KCND3: variants seen among roughly 807,000 people sequenced by gnomAD.
KCND3 encodes A-type voltage-gated potassium channel KCND3.
In KCND3, 9 loss-of-function variants were observed where a neutral mutation model predicts 51.1. The ratio of observed to expected loss-of-function variants is 0.18; its 90% confidence interval spans 0.11 to 0.31. KCND3 has a LOEUF of 0.31. Among genes scored for constraint, KCND3 ranks in the 10% least tolerant of loss-of-function variants. KCND3 has a pLI of 1.00. For synonymous variants in KCND3, 349 were observed against 368.0 expected (o/e 0.95, Z 0.59); for missense variants, 526 against 903.8 (o/e 0.58, Z 5.36).
intron 2 of KCND3, among the ~76,000 whole-genome samples, chr1:111,974,803 C>G (rs532625971): frequency 6.6e-6 from 1 of 152,272 alleles, no homozygotes; most frequent in African/African-American, 2.4e-5. Flanking sequence ...CAGAGAGATA[C>G]AGAGAGAGAT....
rs1674474981 is a variant in KCND3 at position 111,973,810 on chromosome 1, T to C, written c.1106+7811A>G. ...TCTGTATATTAAATTCAAGCTGTTCTGCCACTCATGGGTATTATGATGCGT... is the reference window on the plus strand; with the variant it reads ...TCTGTATATTAAATTCAAGCTGTTCCGCCACTCATGGGTATTATGATGCGT... On this transcript the variant is annotated intron_variant, in intron 2 of 7. Transcript: ENST00000302127. Among the ~76,000 whole-genome samples, 2 of 152,238 alleles carry C rather than the reference T, an allele frequency of 1.3e-5. 1 individual carries two copies. The highest frequency in any genetic ancestry group is 2.9e-5 in the Non-Finnish European group (2 of 68,042).
At chr1:111,842,291 C>T (rs553745632) in intron 2 of KCND3, among the ~76,000 whole-genome samples, 12 of 152,346 alleles carry the variant, frequency 7.9e-5, no homozygotes, top group South Asian at 2.1e-4. Context: ...CCACCCTGAG[C>T]GGGCCATGCT....
Position 111,780,690 on chromosome 1 carries a change from C to A in KCND3, c.1371G>T (p.Thr457=). The A allele has an allele frequency of 6.2e-7, 1 of 1,607,398 alleles. No individual in the cohort carries two copies. Among genetic ancestry groups the A allele is most frequent in the Non-Finnish European group, 8.5e-7 (1 of 1,176,770 alleles). Residue 457 remains threonine (T), a splice_region_variant and synonymous_variant, in exon 4 of 8, where the codon ACG becomes ACT. Coordinates refer to ENST00000302127, the MANE Select transcript of KCND3 (RefSeq NM_001378969.1). This position sits in a 1 kb window ranked among gnomAD's most constrained non-coding sequence, Gnocchi z 4.2. The part of the protein sequence containing the change: ...NGLLNEALEL[T]GTPEEEHMGK... Reference sequence around the variant, plus strand: ...TAGCCCAGGTCCTCTAGGCACCTACCGTCAGCTCCAGCGCCTCGTTGAGGA... The same window carrying A: ...TAGCCCAGGTCCTCTAGGCACCTACAGTCAGCTCCAGCGCCTCGTTGAGGA...
intron 2 of KCND3, among the ~76,000 whole-genome samples, chr1:111,811,430 T>C (rs1000679091): frequency 6.6e-6 from 1 of 152,110 alleles, no homozygotes; most frequent in African/African-American, 2.4e-5. Flanking sequence ...ACTCAGGAAA[T>C]CCTGACAATG....
At chr1:111,937,388 C>A (rs2995811) in intron 2 of KCND3, among the ~76,000 whole-genome samples, 1 of 151,884 alleles carries the variant, frequency 6.6e-6, no homozygotes, top group Admixed American at 6.6e-5. Flanking sequence ...CAGCCCCAGG[C>A]GCTTTTCCAT....
intron 2 of KCND3, among the ~76,000 whole-genome samples, chr1:111,915,752 C>CAACA (rs1671179635): frequency 1.5e-5 from 1 of 67,322 alleles, no homozygotes; most frequent in Admixed American, 1.9e-4. Flanking sequence ...GACTCTGTCT[C>CAACA]AAAAAAAAAA....
chr1:111,773,123 T>C lies in KCND3; in HGVS notation c.*2954A>G, dbSNP rs1663982827. ...CAGTGGAGGATGGAGGAAAAGGGGA[T>C]GGTCTAATGGTCTTTTAGGAAGTGG... On this transcript the variant is annotated 3_prime_UTR_variant, in exon 8 of 8. Coordinates refer to ENST00000302127, the MANE Select transcript of KCND3 (RefSeq NM_001378969.1). The C allele has an allele frequency of 2.0e-5, 3 of 152,198 alleles. No homozygotes were observed. The highest frequency in any genetic ancestry group is 2.0e-4 in the Admixed American group (3 of 15,264). The allele number at this position is 152,198 out of a possible 1,614,324, so 9.4% of individuals were successfully genotyped here.
intron 2 of KCND3, among the ~76,000 whole-genome samples, chr1:111,875,751 G>C (rs1006909267): frequency 6.6e-6 from 1 of 152,178 alleles, no homozygotes; most frequent in Non-Finnish European, 1.5e-5. Context: ...CCCTGGACTC[G>C]GGGCCTCCAG....
At position 111,785,069 on chromosome 1, in the gene KCND3, A is replaced by G. The variant is rs1486792595; in HGVS notation, c.1269+1875T>C. On this transcript the variant is annotated intron_variant, in intron 3 of 7. Coordinates refer to ENST00000302127, the MANE Select transcript of KCND3 (RefSeq NM_001378969.1). ...ATCTCTAAAATAATAATAATAATAAATCAATTCCCAGGTGAAGTAAAGGTA... is the reference window on the plus strand; with the variant it reads ...ATCTCTAAAATAATAATAATAATAAGTCAATTCCCAGGTGAAGTAAAGGTA... Among the ~76,000 whole-genome samples, 4 of 152,162 alleles carry G rather than the reference A, an allele frequency of 2.6e-5. No homozygotes were observed. The East Asian group carries it at 7.7e-4, about 29-fold the overall frequency.
At chr1:111,885,807 G>C (rs575024946) in intron 2 of KCND3, among the ~76,000 whole-genome samples, 1 of 152,188 alleles carries the variant, frequency 6.6e-6, no homozygotes, top group South Asian at 2.1e-4. Flanking sequence ...TGAGTAGCTG[G>C]GATTACAGGC....
intron 2 of KCND3, among the ~76,000 whole-genome samples, chr1:111,863,032 C>A (rs1467064171): frequency 1.3e-5 from 2 of 152,126 alleles, no homozygotes; most frequent in Non-Finnish European, 2.9e-5. Context: ...AGAAAGCGGA[C>A]TAATGATAGC....
At chr1:111,978,452 T>C (rs1268542314) in intron 2 of KCND3, among the ~76,000 whole-genome samples, 1 of 152,236 alleles carries the variant, frequency 6.6e-6, no homozygotes, top group Non-Finnish European at 1.5e-5. Context: ...CCATGGCCAC[T>C]TGGACTCAAA....
At chr1:111,814,260 G>C (rs1665984040) in intron 2 of KCND3, among the ~76,000 whole-genome samples, 1 of 152,212 alleles carries the variant, frequency 6.6e-6, no homozygotes, top group African/African-American at 2.4e-5. Flanking sequence ...GCTCGTGGAG[G>C]AGCCCAACAA....
chr1:111,932,817 G>GCA (rs1401227405), intron 2 of KCND3, among the ~76,000 whole-genome samples: 2 of 152,192 alleles, frequency 1.3e-5, no homozygotes, highest in Non-Finnish European at 2.9e-5. Context: ...AGGTGGCCTG[G>GCA]AGATTTAAAA....
rs372362132 is a variant in KCND3 at position 111,776,166 on chromosome 1, C to T, written c.1879G>A (p.Gly627Arg). ...IPTPPALTPE[G>R]ESRPPPASPG... ...CTGGCAGGGGGTGGCCGACTTTCCC[C>T]CTCTGGGGTTAGCGCTGGGGGAGTG... The change falls in exon 8 of 8, where the codon GGG becomes AGG. Residue 627 changes from glycine to arginine, a missense_variant. Transcript: ENST00000302127. 5.6e-6 allele frequency: 9 copies of T among 1,614,038 alleles called. No homozygotes were observed. In the African/African-American group the frequency reaches 1.2e-4, roughly 22 times the overall value.
chr1:111,838,158 C>T (rs886261157), intron 2 of KCND3, among the ~76,000 whole-genome samples: 7 of 152,202 alleles, frequency 4.6e-5, no homozygotes, highest in African/African-American at 1.2e-4. Flanking sequence ...GCCCACACTA[C>T]GGAGTAGGGA....
At chr1:111,909,022 A>G (rs1670792000) in intron 2 of KCND3, among the ~76,000 whole-genome samples, 1 of 149,316 alleles carries the variant, frequency 6.7e-6, no homozygotes, top group East Asian at 2.0e-4. Flanking sequence ...AACAGTTTCT[A>G]TAGGCATCAG....
intron 2 of KCND3, among the ~76,000 whole-genome samples, chr1:111,790,280 G>A (rs1407815279): frequency 6.6e-6 from 1 of 152,116 alleles, no homozygotes; most frequent in African/African-American, 2.4e-5. Context: ...TATATCCCCA[G>A]GGTTGTTGCG....
At chr1:111,838,433 G>A (rs534402388) in intron 2 of KCND3, among the ~76,000 whole-genome samples, 103 of 152,210 alleles carry the variant, frequency 6.8e-4, no homozygotes, top group Non-Finnish European at 1.3e-3. Context: ...CAAGGCGGGC[G>A]GATCACGAGG....
Sources: allele counts gnomAD v4.1 joint callset (sites outside exome capture counted in the v4.1 genomes callset), GRCh38; gene constraint gnomAD v4.1.1; non-coding constraint Gnocchi (gnomAD v3.1); transcripts MANE v1.5; gene names NCBI Gene and HGNC (gene_info 2026-07-23, HGNC 2026-07-21).